TJP1: variants seen among roughly 807,000 people sequenced by gnomAD.
TJP1 encodes tight junction protein ZO-1.
In TJP1, 43 loss-of-function variants were observed where a neutral mutation model predicts 194.2. The observed-to-expected ratio is 0.22, with a 90% CI of 0.17 to 0.29. TJP1 has a LOEUF of 0.29. Among genes scored for constraint, TJP1 ranks in the 10% least tolerant of loss-of-function variants. The probability of loss-of-function intolerance (pLI) is 1.00; values close to 1 mark genes in which losing one functional copy is unlikely to be tolerated. For missense variants in TJP1, 1,971 were observed against 2,185.7 expected (o/e 0.90, Z 1.96); for synonymous variants, 801 against 779.0 (o/e 1.03, Z -0.47).
rs1294539060 is a variant in TJP1, at chr15:29,822,453, G to A, written c.-425C>T. 4.1e-6 allele frequency: 4 copies of A among 986,116 alleles called. No individual in the cohort carries two copies. The highest frequency in any genetic ancestry group is 4.8e-6 in the Non-Finnish European group (4 of 830,682). 61.1% of individuals were successfully genotyped at this position (986,116 alleles called of 1,614,324 possible). Reference sequence around the variant, plus strand: ...GCGTCCGCTGGCTCAGCCGGCGCCGGCAACTCAGCGGCCACGCAAACCTGC... The same window carrying A: ...GCGTCCGCTGGCTCAGCCGGCGCCGACAACTCAGCGGCCACGCAAACCTGC... On this transcript the variant is annotated 5_prime_UTR_variant, in exon 1 of 28. Transcript: ENST00000614355.
chr15:29,818,856 G>A (rs541216838), intron 1 of TJP1, among the ~76,000 whole-genome samples: 2 of 151,448 alleles, frequency 1.3e-5, no homozygotes, highest in Admixed American at 6.6e-5. Flanking sequence ...TCACTTTGTC[G>A]CCCAGGCTGT....
intron 23 of TJP1, among the ~76,000 whole-genome samples, chr15:29,713,207 A>G (rs936473723): frequency 5.3e-5 from 8 of 152,374 alleles, no homozygotes; most frequent in South Asian, 2.1e-4. Context: ...GGTAGATTTG[A>G]TAACAAAAAA....
At chr15:29,826,787 A>G (rs983047225), upstream of TJP1, among the ~76,000 whole-genome samples, 2 of 152,174 alleles carry the variant, frequency 1.3e-5, no homozygotes, top group African/African-American at 4.8e-5. Context: ...GCAGGTATAC[A>G]AGACCCTAGG....
chr15:29,747,319 A>G (rs1190100625), intron 8 of TJP1, among the ~76,000 whole-genome samples: 1 of 152,158 alleles, frequency 6.6e-6, no homozygotes, highest in African/African-American at 2.4e-5. Context: ...AAATTGTAAA[A>G]GATCAAAATT....
chr15:29,928,744 C>T (rs1416303901), intron 2 of TJP1, among the ~76,000 whole-genome samples: 1 of 152,122 alleles, frequency 6.6e-6, no homozygotes, highest in East Asian at 1.9e-4. Context: ...GAGATCGAGA[C>T]CATCCTGGCT....
intron 2 of TJP1, among the ~76,000 whole-genome samples, chr15:29,945,558 A>G (rs146932819): frequency 1.4e-3 from 214 of 152,182 alleles, no homozygotes; most frequent in Admixed American, 2.2e-3. Context: ...ACGAAACCCA[A>G]TGCCCAGGAT....
intron 2 of TJP1, among the ~76,000 whole-genome samples, chr15:29,910,940 G>A (rs1356414634): frequency 1.3e-5 from 2 of 152,216 alleles, no homozygotes; most frequent in East Asian, 3.8e-4. Context: ...CATGGTAAGA[G>A]TACATCAACG....
At chr15:29,767,968 A>T (rs2046425799) in intron 4 of TJP1, among the ~76,000 whole-genome samples, 1 of 152,036 alleles carries the variant, frequency 6.6e-6, no homozygotes, top group African/African-American at 2.4e-5. Context: ...CTCTTTATTT[A>T]CCTAAAATCT....
chr15:29,840,307 T>G (rs2051177082), intron 2 of TJP1, among the ~76,000 whole-genome samples: 1 of 152,220 alleles, frequency 6.6e-6, no homozygotes, highest in South Asian at 2.1e-4. Flanking sequence ...TAACAGGTCT[T>G]CACCCAGTCC....
At chr15:29,789,168 A>T (rs1044481761) in intron 2 of TJP1, among the ~76,000 whole-genome samples, 1 of 152,060 alleles carries the variant, frequency 6.6e-6, no homozygotes, top group Non-Finnish European at 1.5e-5. Flanking sequence ...TTAAATTTAC[A>T]TATGTGGTTT....
In TJP1 at chr15:29,773,220, GCAGCA is replaced by G. The variant is rs1391339187; in HGVS notation, c.209+8_209+12del. The G allele has an allele frequency of 6.2e-7, 1 of 1,613,412 alleles. No homozygotes were observed. The highest frequency in any genetic ancestry group is 2.2e-5 in the East Asian group (1 of 44,860). On this transcript the variant is annotated splice_region_variant and intron_variant, in intron 3 of 27. Transcript: ENST00000614355. ...GCTTGTTGCACAGTGCCCACGATAA[GCAGCA>G]CTCTTACTGTAGCTGTCCTTCAGCT...
chr15:29,724,796 G>C (rs957008857), intron 18 of TJP1, among the ~76,000 whole-genome samples: 11 of 152,192 alleles, frequency 7.2e-5, no homozygotes, highest in African/African-American at 2.2e-4. Flanking sequence ...AAATGCATCA[G>C]TCTAGCCTGA....
chr15:29,936,820 A>ACC (rs1331073070), intron 2 of TJP1, among the ~76,000 whole-genome samples: 1 of 152,168 alleles, frequency 6.6e-6, no homozygotes, highest in Non-Finnish European at 1.5e-5. Context: ...CATAAGATCC[A>ACC]CCTTGGGTTT....
intron 2 of TJP1, among the ~76,000 whole-genome samples, chr15:29,848,849 C>G (rs1351198278): frequency 6.6e-6 from 1 of 151,782 alleles, no homozygotes. Flanking sequence ...CAGAGTGAGA[C>G]TCCATCTCAA....
At chr15:29,909,997 T>C (rs1567187163) in intron 2 of TJP1, among the ~76,000 whole-genome samples, 1 of 152,178 alleles carries the variant, frequency 6.6e-6, no homozygotes. Context: ...AGATTTATGC[T>C]CCACAGAGGA....
At chr15:29,948,005 A>G (rs1414198932) in intron 2 of TJP1, among the ~76,000 whole-genome samples, 1 of 152,160 alleles carries the variant, frequency 6.6e-6, no homozygotes, top group South Asian at 2.1e-4. Flanking sequence ...GGTGGCTCAC[A>G]CCTGTAATCC....
intron 2 of TJP1, among the ~76,000 whole-genome samples, chr15:29,872,628 A>G (rs939906886): frequency 3.0e-5 from 4 of 131,802 alleles, no homozygotes; most frequent in Admixed American, 3.0e-4. Flanking sequence ...TCTAGGTAAG[A>G]GCTTTAAGCG....
Position 29,700,721 on chromosome 15 carries a change from CAAAA to C in TJP1, c.*870_*873del, listed in dbSNP as rs11464931. ...ACAGAAAACCACCACTGCCCCTTGT[CAAAA>C]AAAAAAAAAAAGAAAAGAAAAGAAA... On this transcript the variant is annotated 3_prime_UTR_variant, in exon 28 of 28. Coordinates refer to ENST00000614355, the MANE Select transcript of TJP1 (RefSeq NM_001330239.4). 2.8e-4 allele frequency: 39 copies of C among 140,680 alleles called. No individual in the cohort carries two copies. Among genetic ancestry groups the C allele is most frequent in the Middle Eastern group, 3.2e-3 (1 of 316 alleles). The allele number at this position is 140,680 out of a possible 1,614,324, so 8.7% of individuals were successfully genotyped here.
chr15:29,792,233 A>G (rs1056772604), intron 2 of TJP1, among the ~76,000 whole-genome samples: 2 of 152,198 alleles, frequency 1.3e-5, no homozygotes, highest in African/African-American at 4.8e-5. Context: ...TTCTTCTAGT[A>G]GTCTCATAAC....
Sources: gnomAD v4.1 joint callset for allele counts (sites outside exome capture counted in the v4.1 genomes callset) on GRCh38, gnomAD v4.1.1 for gene constraint, MANE v1.5 for transcripts, NCBI Gene and HGNC (gene_info 2026-07-23, HGNC 2026-07-21) for gene names.